HGD: variants seen among roughly 807,000 people sequenced by gnomAD.
HGD encodes the protein homogentisate 1,2-dioxygenase.
HGD carries 61 observed loss-of-function variants against 60.8 expected under a neutral mutation model. The ratio of observed to expected loss-of-function variants is 1.00; its 90% CI spans 0.82 to 1.24. HGD has a LOEUF of 1.24. HGD is among the 50% of genes most tolerant of loss of function. The pLI, the probability that HGD is intolerant of heterozygous loss-of-function variation, is 0.00. For missense variants in HGD, 542 were observed against 547.1 expected (o/e 0.99, Z 0.09); for synonymous variants, 212 against 187.7 (o/e 1.13, Z -1.06).
In HGD at chr3:120,633,139, A is replaced by T. The variant is rs1940642048; in HGVS notation, c.1188+8T>A. The T allele has an allele frequency of 1.2e-6, 2 of 1,613,910 alleles. No individual in the cohort carries two copies. Among genetic ancestry groups the T allele is most frequent in the Non-Finnish European group, 1.7e-6 (2 of 1,179,860 alleles). The stretch of plus-strand genomic sequence containing the variant: ...AGGCCGCTGGAATGTGGCAGTTAAC[A>T]TACTTACCATGGTGCCATCGGCAAT... On this transcript the variant is annotated splice_region_variant and intron_variant, in intron 13 of 13. Coordinates refer to ENST00000283871, the MANE Select transcript of HGD (RefSeq NM_000187.4).
At chr3:120,672,371 T>C (rs1327045261) in intron 3 of HGD, among the ~76,000 whole-genome samples, 1 of 152,080 alleles carries the variant, frequency 6.6e-6, no homozygotes, top group Admixed American at 6.6e-5. Flanking sequence ...GAAGGGACAT[T>C]GAAGCTCACT....
chr3:120,630,716 C>T (rs1940557896), intron 13 of HGD, among the ~76,000 whole-genome samples: 1 of 149,796 alleles, frequency 6.7e-6, no homozygotes, highest in African/African-American at 2.5e-5. Context: ...TCAGCATGGG[C>T]AAAGATTTCA....
At chr3:120,633,468 A>T (rs1576284814) in intron 12 of HGD, 140 bp from the exon 13 acceptor site, 1 of 1,551,262 alleles carries the variant, frequency 6.4e-7, no homozygotes, top group East Asian at 2.4e-5. Context: ...AAGAATATGG[A>T]TTGACAGAAG....
intron 13 of HGD, among the ~76,000 whole-genome samples, chr3:120,631,786 C>G (rs768264659): frequency 2.0e-5 from 3 of 152,140 alleles, no homozygotes; most frequent in Admixed American, 1.3e-4. Context: ...TTGGACCCTC[C>G]GCCATCAGGT....
chr3:120,674,756 C>A, intron 3 of HGD, 145 bp downstream of exon 3: 2 of 680,360 alleles, frequency 2.9e-6, no homozygotes, highest in South Asian at 1.4e-5. Flanking sequence ...AGTTCATTCT[C>A]TTCTGACCAT....
chr3:120,674,234 C>T (rs922530982), intron 3 of HGD, among the ~76,000 whole-genome samples: 11 of 152,196 alleles, frequency 7.2e-5, no homozygotes, highest in Non-Finnish European at 8.8e-5. Context: ...ATAACACTTA[C>T]TGCCTCCCAA....
chr3:120,649,031 G>T (rs1941249530), intron 6 of HGD, among the ~76,000 whole-genome samples: 1 of 151,592 alleles, frequency 6.6e-6, no homozygotes, highest in Non-Finnish European at 1.5e-5. Flanking sequence ...AGCCCTGTTT[G>T]GTTGACAGTT....
intron 4 of HGD, among the ~76,000 whole-genome samples, chr3:120,656,074 G>C (rs757806306): frequency 1.2e-4 from 19 of 152,196 alleles, no homozygotes; most frequent in Non-Finnish European, 2.5e-4. Flanking sequence ...GCCCTAATCT[G>C]ATAGGATTGA....
intron 13 of HGD, among the ~76,000 whole-genome samples, chr3:120,632,584 A>T (rs1462883236): frequency 1.3e-5 from 2 of 152,202 alleles, no homozygotes; most frequent in Non-Finnish European, 2.9e-5. Context: ...ATAGTGAGGC[A>T]AGGGCTTTTT....
intron 4 of HGD, among the ~76,000 whole-genome samples, chr3:120,661,955 C>T (rs897793725): frequency 7.2e-5 from 11 of 152,154 alleles, no homozygotes; most frequent in African/African-American, 2.4e-4. Flanking sequence ...ACCTTAAATA[C>T]TCTGAGAAAT....
At chr3:120,664,004 C>A (rs1707838944) in intron 4 of HGD, among the ~76,000 whole-genome samples, 1 of 152,116 alleles carries the variant, frequency 6.6e-6, no homozygotes, top group Non-Finnish European at 1.5e-5. Flanking sequence ...CTTCCCTGAT[C>A]TCTGCGGAAA....
intron 4 of HGD, among the ~76,000 whole-genome samples, chr3:120,654,399 A>G (rs1235864882): frequency 1.3e-5 from 2 of 152,192 alleles, no homozygotes; most frequent in East Asian, 1.9e-4. Context: ...GGTATTTTAT[A>G]AAAGTTCTTC....
At chr3:120,675,736 G>GCTAGTCATCCAGGAGGC in intron 2 of HGD, 56 bp downstream of exon 2, 1 of 1,403,202 alleles carries the variant, frequency 7.1e-7, no homozygotes, top group South Asian at 1.2e-5. Context: ...TGGCCTGAAA[G>GCTAGTCATCCAGGAGGC]CTAGTCATCC....
intron 11 of HGD, among the ~76,000 whole-genome samples, chr3:120,640,907 G>A (rs1187167337): frequency 6.6e-6 from 1 of 152,062 alleles, no homozygotes; most frequent in Non-Finnish European, 1.5e-5. Context: ...TTGTGGGTTA[G>A]GTTCATCTCT....
At chr3:120,669,446 T>C (rs1214526820) in intron 4 of HGD, among the ~76,000 whole-genome samples, 1 of 101,888 alleles carries the variant, frequency 9.8e-6, no homozygotes, top group Non-Finnish European at 2.0e-5. Context: ...TGTGCGCATG[T>C]GCACACACAC....
In HGD at chr3:120,628,546, T is replaced by G. The variant is rs754783005; in HGVS notation, c.1189-17A>C. On this transcript the variant is annotated splice_polypyrimidine_tract_variant and intron_variant, in intron 13 of 13. Transcript: ENST00000283871. ...CATAAATGCCTGGAGGAAGTGACGA[T>G]GGGGATGAGAAAAAAGAGGTGAGAT... 7.4e-6 allele frequency: 12 copies of G among 1,613,592 alleles called. No homozygotes were observed. The highest frequency in any genetic ancestry group is 1.0e-5 in the Non-Finnish European group (12 of 1,179,678).
intron 4 of HGD, among the ~76,000 whole-genome samples, chr3:120,654,042 G>A (rs1167437088): frequency 6.6e-6 from 1 of 152,208 alleles, no homozygotes; most frequent in African/African-American, 2.4e-5. Context: ...ACATCAGGAA[G>A]TGCCACAGCT....
intron 3 of HGD, among the ~76,000 whole-genome samples, chr3:120,674,299 C>T (rs553069639): frequency 3.3e-5 from 5 of 152,294 alleles, no homozygotes; most frequent in African/African-American, 1.2e-4. Context: ...CAAGGGATTA[C>T]GTTCATTGAC....
At chr3:120,677,688 C>T (rs1174138361) in intron 1 of HGD, among the ~76,000 whole-genome samples, 1 of 152,220 alleles carries the variant, frequency 6.6e-6, no homozygotes, top group Non-Finnish European at 1.5e-5. Flanking sequence ...TTGTAAAGTA[C>T]TTGATGTCTG....
Sources: allele counts gnomAD v4.1 joint callset (sites outside exome capture counted in the v4.1 genomes callset), GRCh38; gene constraint gnomAD v4.1.1; transcripts MANE v1.5; gene names NCBI Gene and HGNC (gene_info 2026-07-23, HGNC 2026-07-21).